CCDC32: variants seen among roughly 807,000 people sequenced by gnomAD.
CCDC32 encodes coiled-coil domain containing 32.
A neutral mutation model predicts 20.1 loss-of-function variants in CCDC32; 9 were observed. The ratio of observed to expected loss-of-function variants is 0.45; its 90% CI spans 0.27 to 0.78. CCDC32 has a LOEUF of 0.78. Among genes scored for constraint, CCDC32 ranks in the 30% least tolerant of loss-of-function variants. The pLI, the probability that CCDC32 is intolerant of heterozygous loss-of-function variation, is 0.16. For synonymous variants in CCDC32, 63 were observed against 79.0 expected, an observed-to-expected ratio of 0.80 and a Z score of 1.07; for missense variants, 204 against 215.5, an observed-to-expected ratio of 0.95 and a Z score of 0.33.
downstream of CCDC32, chr15:40,535,064 G>C: frequency 1.4e-6 from 1 of 736,792 alleles, no homozygotes; most frequent in Non-Finnish European, 2.4e-6. Flanking sequence ...CCAGACTGTG[G>C]AGGGTCTTGA....
chr15:40,557,715 G>A lies in CCDC32; in HGVS notation c.245-343C>T, dbSNP rs915656793. 7.2e-5 allele frequency: 12 copies of A among 166,540 alleles called. No homozygotes were observed. The East Asian group carries it at 2.0e-3, about 28-fold the overall frequency. 10.3% of individuals were successfully genotyped at this position (166,540 alleles called of 1,614,324 possible). ...GCTTGTTTTCCCTGGTTTGACATGTGTATACTACTGTCTTTTTTCAACTCC... is the reference window on the plus strand; with the variant it reads ...GCTTGTTTTCCCTGGTTTGACATGTATATACTACTGTCTTTTTTCAACTCC... On this transcript the variant is annotated intron_variant, in intron 2 of 3. Coordinates refer to ENST00000416810, the MANE Select transcript of CCDC32 (RefSeq NM_001080792.4).
At chr15:40,528,134 CTG>C (rs1389354559), downstream of CCDC32, among the ~76,000 whole-genome samples, 1 of 152,208 alleles carries the variant, frequency 6.6e-6, no homozygotes, top group Non-Finnish European at 1.5e-5. Context: ...AAAGTGTAAA[CTG>C]AGAGAGGCGA....
chr15:40,548,367 A>C (rs1889708327), downstream of CCDC32, among the ~76,000 whole-genome samples: 1 of 152,208 alleles, frequency 6.6e-6, no homozygotes, highest in South Asian at 2.1e-4. Flanking sequence ...CATAAGTATT[A>C]AATTCTGCAA....
rs60438611 is a variant in CCDC32 at position 40,553,905 on chromosome 15, C to CGTGTGTGTGTGTGTGTGT, written c.*48_*65dup. 3.5e-6 allele frequency: 5 copies of CGTGTGTGTGTGTGTGTGT among 1,435,390 alleles called. No homozygotes were observed. The highest frequency in any genetic ancestry group is 6.6e-5 in the East Asian group (2 of 30,240). The allele number at this position is 1,435,390 out of a possible 1,614,324, so 88.9% of individuals were successfully genotyped here. Reference sequence around the variant, plus strand: ...CTCTGGACCCGAGACAGCTGCTCGGCGTGTGTGTGTGTGTGTGTGTGTGTG... The same window carrying CGTGTGTGTGTGTGTGTGT: ...CTCTGGACCCGAGACAGCTGCTCGGCGTGTGTGTGTGTGTGTGTGTGTGTGTGTGTGTGTGTGTGTGTG... On this transcript the variant is annotated 3_prime_UTR_variant, in exon 4 of 4. Transcript: ENST00000416810.
chr15:40,533,778 G>A (rs1888988850), downstream of CCDC32, among the ~76,000 whole-genome samples: 1 of 152,130 alleles, frequency 6.6e-6, no homozygotes, highest in Non-Finnish European at 1.5e-5. Flanking sequence ...ATGGGTTTAG[G>A]AGGAGGGAGT....
At chr15:40,524,739 C>CTTTTTTT (rs758786719), downstream of CCDC32, among the ~76,000 whole-genome samples, 64 of 95,182 alleles carry the variant, frequency 6.7e-4, 1 homozygote, top group African/African-American at 3.3e-3. Context: ...CTTTTTCTTT[C>CTTTTTTT]TTTTTTTTTT....
At chr15:40,541,333 ATT>A (rs11337977) in intron 3 of CCDC32, among the ~76,000 whole-genome samples, 47,422 of 139,716 alleles carry the variant, frequency 0.34, 7,448 homozygotes, top group Middle Eastern at 0.38. Flanking sequence ...GAGCTGTAAT[ATT>A]TTTTTTTTTT....
intron 2 of CCDC32, 108 bp from the exon 3 acceptor site, chr15:40,557,480 T>A: frequency 8.6e-7 from 1 of 1,169,280 alleles, no homozygotes; most frequent in Non-Finnish European, 1.2e-6. Context: ...GATGAGGACA[T>A]CCACACTCCC....
intron 2 of CCDC32, chr15:40,561,842 A>C (rs796639805): frequency 6.6e-6 from 1 of 151,588 alleles, no homozygotes; most frequent in Non-Finnish European, 1.5e-5. Flanking sequence ...GGATATTACA[A>C]TTCTAAAGAC....
At chr15:40,561,779 C>G (rs1423076961) in intron 2 of CCDC32, among the ~76,000 whole-genome samples, 2 of 151,814 alleles carry the variant, frequency 1.3e-5, no homozygotes, top group African/African-American at 4.8e-5. Context: ...GCCTTATTCC[C>G]AGGTTTGGCT....
chr15:40,523,465 T>C, the CCDC32 span, among the ~76,000 whole-genome samples: 974 of 148,460 alleles, frequency 6.6e-3, 12 homozygotes, highest in African/African-American at 0.023. Context: ...AATCCCGCCA[T>C]TGCACTCTAG....
At chr15:40,564,629 G>C (rs915549619) in intron 1 of CCDC32, 179 of 1,221,436 alleles carry the variant, frequency 1.5e-4, no homozygotes, top group Non-Finnish European at 2.0e-4. Context: ...CCAGGAGACA[G>C]AGCCCAGCCA....
chr15:40,539,881 C>CACACACA (rs1491175376), intron 3 of CCDC32, among the ~76,000 whole-genome samples: 16 of 147,828 alleles, frequency 1.1e-4, no homozygotes, highest in Non-Finnish European at 1.6e-4. Flanking sequence ...CACACACACA[C>CACACACA]CCCGCTCCTT....
downstream of CCDC32, among the ~76,000 whole-genome samples, chr15:40,533,226 T>C (rs1888960894): frequency 6.6e-6 from 1 of 152,176 alleles, no homozygotes; most frequent in South Asian, 2.1e-4. Context: ...ACTTACATTC[T>C]AGTTGGTGTC....
At chr15:40,545,399 A>C (rs11632061) in intron 3 of CCDC32, among the ~76,000 whole-genome samples, 73,543 of 152,028 alleles carry the variant, frequency 0.48, 20,540 homozygotes, top group East Asian at 0.75. Flanking sequence ...TTATCTGCTA[A>C]AGAAGTAATT....
intron 3 of CCDC32, among the ~76,000 whole-genome samples, chr15:40,546,277 C>T (rs8036938): frequency 0.33 from 49,824 of 151,236 alleles, 8,290 homozygotes; most frequent in Middle Eastern, 0.4. Flanking sequence ...CTGCAACCTC[C>T]GCCTTCTGGG....
intron 3 of CCDC32, 55 bp downstream of exon 3, chr15:40,557,161 T>C (rs1234617609): frequency 1.2e-5 from 19 of 1,539,286 alleles, no homozygotes; most frequent in Non-Finnish European, 1.7e-5. Context: ...TAAAAACAAA[T>C]AGAACAACTA....
downstream of CCDC32, chr15:40,531,949 A>C (rs1227368756): frequency 2.0e-5 from 4 of 196,998 alleles, no homozygotes; most frequent in Non-Finnish European, 4.1e-5. Flanking sequence ...CTCCAATGGC[A>C]AATGAGGCAG....
chr15:40,533,161 C>T (rs987663552), downstream of CCDC32, among the ~76,000 whole-genome samples: 105 of 152,068 alleles, frequency 6.9e-4, 7 homozygotes, highest in South Asian at 2.1e-4. Flanking sequence ...CTGCTATGCC[C>T]CAGGCTCTGT....
Sources: gnomAD v4.1 joint callset for allele counts (sites outside exome capture counted in the v4.1 genomes callset) on GRCh38, gnomAD v4.1.1 for gene constraint, MANE v1.5 for transcripts, NCBI Gene and HGNC (gene_info 2026-07-23, HGNC 2026-07-21) for gene names.